The following TLK1 variants were observed in gnomAD, a reference collection of about 807,000 sequenced individuals.
TLK1 encodes tousled like kinase 1.
TLK1 carries 24 observed loss-of-function variants against 105.3 expected under a neutral mutation model. The ratio of observed to expected loss-of-function variants is 0.23; its 90% CI spans 0.17 to 0.32. The LOEUF is 0.32. Ranked by LOEUF, TLK1 falls within the 10% of genes least tolerant of loss-of-function variation. The pLI, the probability that TLK1 is intolerant of heterozygous loss-of-function variation, is 1.00. For missense variants in TLK1, 558 were observed against 910.5 expected (o/e 0.61, Z 4.98); for synonymous variants, 321 against 310.4 (o/e 1.03, Z -0.36).
rs1055486182 is a variant in TLK1, at chr2:171,073,832, T to C, written c.330+8949A>G. Among the ~76,000 whole-genome samples, 7 of 152,106 alleles carry C rather than the reference T, an allele frequency of 4.6e-5. No individual in the cohort carries two copies. In the East Asian group the frequency reaches 1.2e-3, roughly 25 times the overall value. ...AACTTTTAAGTCTAATAATTCATGA[T>C]TATTTGTCTTAATAACAGAGAAGAG... On this transcript the variant is annotated intron_variant, in intron 3 of 20. Transcript: ENST00000431350.
At chr2:171,059,976 G>T in intron 4 of TLK1, 2 of 1,612,152 alleles carry the variant, frequency 1.2e-6, no homozygotes, top group South Asian at 2.2e-5. Flanking sequence ...AGACCGGGAG[G>T]TTGGGGAACC....
rs547763027 is a variant in TLK1 at position 171,026,897 on chromosome 2, G to A, written c.1236+1442C>T. ...TAAGTTGTCAACTAAGTCTCAAAGC[G>A]CAGGAAAAGTAGTCAATAATTACAA... On this transcript the variant is annotated intron_variant, in intron 12 of 20. Transcript: ENST00000431350. Among the ~76,000 whole-genome samples the A allele has an allele frequency of 6.4e-4, 97 of 152,110 alleles. No individual in the cohort carries two copies. The Middle Eastern group carries it at 0.014, about 21-fold the overall frequency.
chr2:171,127,045 G>A (rs977973720), intron 1 of TLK1, among the ~76,000 whole-genome samples: 4 of 151,988 alleles, frequency 2.6e-5, no homozygotes, highest in Non-Finnish European at 4.4e-5. Context: ...GGAGGCTGAG[G>A]TGAGTGGATC....
Position 171,193,699 on chromosome 2 carries a change from CATTTTT to C in TLK1, c.-6+37440_-6+37445del, listed in dbSNP as rs1186324792. Among the ~76,000 whole-genome samples, 51 of 103,240 alleles carry C rather than the reference CATTTTT, an allele frequency of 4.9e-4. 1 individual carries two copies. Among genetic ancestry groups the C allele is most frequent in the African/African-American group, 1.9e-3 (48 of 25,130 alleles). The allele number at this position is 103,240 out of a possible 152,430, so 67.7% of individuals were successfully genotyped here. Reference sequence around the variant, plus strand: ...TATAGGCGTGAGCCACAGCGCCTGGCATTTTTTTTTTTTTTTTTTTTTTTTTTTTTT... The same window carrying C: ...TATAGGCGTGAGCCACAGCGCCTGGCTTTTTTTTTTTTTTTTTTTTTTTTT... On this transcript the variant is annotated intron_variant, in intron 1 of 20. Transcript: ENST00000521943.
chr2:171,000,424 G>A (rs1684307483), intron 18 of TLK1, among the ~76,000 whole-genome samples: 2 of 148,756 alleles, frequency 1.3e-5, no homozygotes, highest in Non-Finnish European at 3.0e-5. Context: ...GCCCACTGTT[G>A]ACTGGAAGTT....
intron 11 of TLK1, among the ~76,000 whole-genome samples, chr2:171,039,030 G>A (rs1363632865): frequency 6.6e-6 from 1 of 151,848 alleles, no homozygotes. Context: ...AATTATTATA[G>A]CTTCCTAGTG....
At chr2:171,177,889 G>A (rs946580137) in intron 1 of TLK1, among the ~76,000 whole-genome samples, 4 of 152,074 alleles carry the variant, frequency 2.6e-5, no homozygotes, top group Non-Finnish European at 4.4e-5. Context: ...TGCCTCCCGG[G>A]TTTAAGCGAT....
chr2:171,189,443 T>C (rs529601941), intron 1 of TLK1, among the ~76,000 whole-genome samples: 3 of 152,116 alleles, frequency 2.0e-5, no homozygotes, highest in East Asian at 3.9e-4. Flanking sequence ...GGGATTATGA[T>C]AGTACAATTT....
intron 14 of TLK1, among the ~76,000 whole-genome samples, chr2:171,009,728 G>A (rs558988910): frequency 1.3e-4 from 20 of 152,286 alleles, no homozygotes; most frequent in Non-Finnish European, 2.1e-4. Context: ...TTCTCAGAAG[G>A]AGCCAATGAG....
intron 2 of TLK1, among the ~76,000 whole-genome samples, chr2:171,083,982 AT>A (rs1688859522): frequency 6.6e-6 from 1 of 152,176 alleles, no homozygotes; most frequent in Admixed American, 6.5e-5. Flanking sequence ...GCATCTGTAA[AT>A]ACCCACCAAA....
At chr2:171,151,470 C>CTTTTT (rs55670860) in intron 1 of TLK1, among the ~76,000 whole-genome samples, 6 of 124,240 alleles carry the variant, frequency 4.8e-5, no homozygotes, top group Non-Finnish European at 6.6e-5. Flanking sequence ...ATATGTGTAT[C>CTTTTT]TTTTTTTTTT....
rs1683846540 is a variant in TLK1 at position 170,992,931 on chromosome 2, T to G, written c.*849A>C. On this transcript the variant is annotated 3_prime_UTR_variant, in exon 21 of 21. Transcript: ENST00000431350. ...GCTAGAAGGGAATTTATCATTATCC[T>G]GCATAGAACTGGTCTGCATTTGGTT... 6.5e-6 allele frequency: 1 copy of G among 152,676 alleles called. No homozygotes were observed. Among genetic ancestry groups the G allele is most frequent in the Non-Finnish European group, 1.5e-5 (1 of 68,034 alleles). The allele number at this position is 152,676 out of a possible 1,614,324, so 9.5% of individuals were successfully genotyped here.
At chr2:171,071,934 G>A (rs565639349) in intron 3 of TLK1, among the ~76,000 whole-genome samples, 2 of 152,196 alleles carry the variant, frequency 1.3e-5, no homozygotes, top group East Asian at 3.9e-4. Flanking sequence ...TGTTCCACTG[G>A]TCTATGTGTT....
intron 1 of TLK1, among the ~76,000 whole-genome samples, chr2:171,138,569 C>T (rs1691437036): frequency 6.6e-6 from 1 of 152,164 alleles, no homozygotes; most frequent in Admixed American, 6.5e-5. Context: ...AACTATCACA[C>T]TCCTTGTAGT....
intron 8 of TLK1, among the ~76,000 whole-genome samples, chr2:171,051,762 A>G (rs1171709887): frequency 1.3e-5 from 2 of 152,238 alleles, no homozygotes; most frequent in African/African-American, 4.8e-5. Context: ...ACTTGTGTAG[A>G]GACACAAACA....
chr2:171,056,225 T>C (rs1210402439), intron 6 of TLK1, among the ~76,000 whole-genome samples: 1 of 152,058 alleles, frequency 6.6e-6, no homozygotes, highest in African/African-American at 2.4e-5. Flanking sequence ...TCTTTTAACA[T>C]AAACAATGCT....
At chr2:171,110,221 G>A (rs1690101558) in intron 2 of TLK1, among the ~76,000 whole-genome samples, 1 of 152,250 alleles carries the variant, frequency 6.6e-6, no homozygotes, top group South Asian at 2.1e-4. Context: ...TGTAATGCCA[G>A]CACTTTGGGA....
In TLK1 at chr2:171,031,614, T is replaced by C. The variant is rs971044435; in HGVS notation, c.1170-3209A>G. Among the ~76,000 whole-genome samples, 6 of 152,328 alleles carry C rather than the reference T, an allele frequency of 3.9e-5. No homozygotes were observed. In the South Asian group the frequency reaches 1.0e-3, roughly 26 times the overall value. On this transcript the variant is annotated intron_variant, in intron 11 of 20. Transcript: ENST00000431350. ...ATATTTTATTATGCACACATAACAA[T>C]GTATTATTTTTATTATGCACACATA...
chr2:171,098,533 T>C (rs536004889), intron 2 of TLK1, among the ~76,000 whole-genome samples: 6 of 152,198 alleles, frequency 3.9e-5, no homozygotes, highest in Admixed American at 6.5e-5. Context: ...ATGGTTTCAC[T>C]GGTAAATTCC....
Sources: allele counts gnomAD v4.1 joint callset (sites outside exome capture counted in the v4.1 genomes callset), GRCh38; gene constraint gnomAD v4.1.1; transcripts MANE v1.5; gene names NCBI Gene and HGNC (gene_info 2026-07-23, HGNC 2026-07-21).